The following ENOX1 variants were observed in gnomAD, a reference collection of about 807,000 sequenced individuals.
The protein encoded by ENOX1 is ecto-NOX disulfide-thiol exchanger 1.
A neutral mutation model predicts 82.5 loss-of-function variants in ENOX1; 42 were observed. The ratio of observed to expected loss-of-function variants is 0.51; its 90% CI spans 0.40 to 0.66. ENOX1 has a LOEUF of 0.66. ENOX1 is among the 30% of genes least tolerant of loss of function. The pLI is 0.00. For synonymous variants in ENOX1, 271 were observed against 282.2 expected (o/e 0.96, Z 0.40); for missense variants, 608 against 811.6 (o/e 0.75, Z 3.05).
chr13:43,229,316 A>G (rs2042170783), intron 15 of ENOX1, among the ~76,000 whole-genome samples: 1 of 152,230 alleles, frequency 6.6e-6, no homozygotes, highest in Non-Finnish European at 1.5e-5. Context: ...GATTACGTGA[A>G]GCCCTCTCCC....
intron 1 of ENOX1, among the ~76,000 whole-genome samples, chr13:43,668,990 C>T (rs573914683): frequency 6.6e-6 from 1 of 152,272 alleles, no homozygotes; most frequent in Non-Finnish European, 1.5e-5. Flanking sequence ...ATGTGACAGC[C>T]CTTAGGAACA....
In ENOX1 at chr13:43,752,212, C is replaced by T. The variant is rs61490185; in HGVS notation, c.-285+34440G>A. ...GCAGAATATCTGTTCAATTCATTTCCCCATTTTTCAGTAGGTTGTTTTCTT... is the reference window on the plus strand; with the variant it reads ...GCAGAATATCTGTTCAATTCATTTCTCCATTTTTCAGTAGGTTGTTTTCTT... On this transcript the variant is annotated intron_variant, in intron 1 of 16. Coordinates refer to ENST00000690772, the MANE Select transcript of ENOX1 (RefSeq NM_001347969.2). Among the ~76,000 whole-genome samples, 1,043 of 152,146 alleles carry T rather than the reference C, an allele frequency of 6.9e-3. 14 individuals are homozygous for T. Among genetic ancestry groups the T allele is most frequent in the African/African-American group, 0.024 (1,012 of 41,502 alleles).
chr13:43,302,627 T>C (rs1046871471), intron 11 of ENOX1, among the ~76,000 whole-genome samples: 1 of 152,242 alleles, frequency 6.6e-6, no homozygotes, highest in Non-Finnish European at 1.5e-5. Flanking sequence ...ACGGCACTGC[T>C]GAAGAAAAGG....
At chr13:43,271,528 A>G (rs1224098170) in intron 12 of ENOX1, among the ~76,000 whole-genome samples, 1 of 152,128 alleles carries the variant, frequency 6.6e-6, no homozygotes, top group Non-Finnish European at 1.5e-5. Flanking sequence ...AAATGAATTT[A>G]AGATCGGGGA....
chr13:43,730,077 G>T (rs2153821626), intron 1 of ENOX1, among the ~76,000 whole-genome samples: 1 of 152,252 alleles, frequency 6.6e-6, no homozygotes, highest in Non-Finnish European at 1.5e-5. Context: ...TCACTCTCAG[G>T]GGCATTCCCT....
chr13:43,419,187 A>G (rs1456414724), intron 3 of ENOX1, among the ~76,000 whole-genome samples: 3 of 152,140 alleles, frequency 2.0e-5, no homozygotes, highest in African/African-American at 7.2e-5. Context: ...CTGTTAAAGG[A>G]GGGTAGAGAT....
intron 2 of ENOX1, among the ~76,000 whole-genome samples, chr13:43,510,416 A>G (rs2077324145): frequency 6.6e-6 from 1 of 152,140 alleles, no homozygotes; most frequent in Admixed American, 6.6e-5. Flanking sequence ...CTGACATATA[A>G]TAGGTATTCT....
chr13:43,519,899 T>C (rs1167932869), intron 2 of ENOX1, among the ~76,000 whole-genome samples: 1 of 152,148 alleles, frequency 6.6e-6, no homozygotes, highest in Admixed American at 6.6e-5. Context: ...AGAATTGGTC[T>C]GGACTTGCAG....
intron 2 of ENOX1, among the ~76,000 whole-genome samples, chr13:43,517,571 C>T (rs541003336): frequency 2.0e-5 from 3 of 152,198 alleles, no homozygotes; most frequent in Admixed American, 2.0e-4. Context: ...AAAGCCATAT[C>T]TCATGGAATA....
At chr13:43,744,721 G>A (rs1319179966) in intron 1 of ENOX1, among the ~76,000 whole-genome samples, 1 of 152,164 alleles carries the variant, frequency 6.6e-6, no homozygotes, top group Admixed American at 6.6e-5. Context: ...TTTATACAGG[G>A]TTTGGCTTTC....
intron 3 of ENOX1, among the ~76,000 whole-genome samples, chr13:43,454,976 TC>T (rs143524110): frequency 0.018 from 2,813 of 152,206 alleles, 39 homozygotes; most frequent in Middle Eastern, 0.048. Context: ...TCCTGGGGCT[TC>T]TTTTTAACAC....
Position 43,236,721 on chromosome 13 carries a change from T to G in ENOX1, c.1629A>C (p.Thr543=), listed in dbSNP as rs2042569129. 6.3e-7 allele frequency: 1 copy of G among 1,578,004 alleles called. No individual in the cohort carries two copies. The highest frequency in any genetic ancestry group is 8.5e-7 in the Non-Finnish European group (1 of 1,169,780). Residue 543 remains threonine (T), a synonymous_variant, in exon 15 of 17, where the codon ACA becomes ACC. Transcript: ENST00000690772. The part of the protein sequence containing the change: ...HEDSNEINVL[T]VALVNQDREN... ...CTCGGTCTTGGTTGACTAATGCAACTGTCAACACATTGATTTCCTATAAAG... is the reference window on the plus strand; with the variant it reads ...CTCGGTCTTGGTTGACTAATGCAACGGTCAACACATTGATTTCCTATAAAG...
At chr13:43,648,098 C>T (rs1366147129) in intron 2 of ENOX1, among the ~76,000 whole-genome samples, 1 of 152,328 alleles carries the variant, frequency 6.6e-6, no homozygotes. Flanking sequence ...TAAGACTATA[C>T]ATCTGTGTTG....
At chr13:43,620,513 T>C (rs2082677615) in intron 2 of ENOX1, among the ~76,000 whole-genome samples, 1 of 152,190 alleles carries the variant, frequency 6.6e-6, no homozygotes, top group Non-Finnish European at 1.5e-5. Flanking sequence ...CCAATGCTCA[T>C]TCAGGAGCTG....
At chr13:43,727,904 C>T (rs2089087446) in intron 1 of ENOX1, among the ~76,000 whole-genome samples, 1 of 152,174 alleles carries the variant, frequency 6.6e-6, no homozygotes, top group Non-Finnish European at 1.5e-5. Flanking sequence ...CATATTAACA[C>T]ATCTGGTATA....
chr13:43,376,401 C>A (rs1053977601), intron 5 of ENOX1, among the ~76,000 whole-genome samples: 3 of 152,106 alleles, frequency 2.0e-5, no homozygotes, highest in Admixed American at 6.5e-5. Context: ...ATGTCTTGAA[C>A]AAAGATTGCT....
chr13:43,684,050 C>G lies in ENOX1; in HGVS notation c.-284-16506G>C, dbSNP rs570154752. ...AACCTACTCTGCAGTGAGCAGAGAT[C>G]GCGCCACTGTACTCCAGCCTGGGCG... On this transcript the variant is annotated intron_variant, in intron 1 of 16. Transcript: ENST00000690772. Among the ~76,000 whole-genome samples, 49 of 148,016 alleles carry G rather than the reference C, an allele frequency of 3.3e-4. No homozygotes were observed. In the South Asian group the frequency reaches 9.6e-3, roughly 29 times the overall value.
chr13:43,584,531 T>C (rs1365372709), intron 2 of ENOX1, among the ~76,000 whole-genome samples: 3 of 152,214 alleles, frequency 2.0e-5, no homozygotes, highest in Non-Finnish European at 4.4e-5. Flanking sequence ...GGATCTAACG[T>C]GATAAACTGA....
chr13:43,542,427 C>A (rs536260370), intron 2 of ENOX1, among the ~76,000 whole-genome samples: 2 of 145,702 alleles, frequency 1.4e-5, no homozygotes, highest in African/African-American at 5.2e-5. Flanking sequence ...CCACTGTGCC[C>A]GGCCTTTTTT....
Sources: gnomAD v4.1 joint callset for allele counts (sites outside exome capture counted in the v4.1 genomes callset) on GRCh38, gnomAD v4.1.1 for gene constraint, MANE v1.5 for transcripts, NCBI Gene and HGNC (gene_info 2026-07-23, HGNC 2026-07-21) for gene names.